Variants in HS3ST3A1 observed in about 807,000 individuals in gnomAD.
The protein encoded by HS3ST3A1 is heparan sulfate-glucosamine 3-sulfotransferase 3A1.
In HS3ST3A1, 19 loss-of-function variants were observed where a neutral mutation model predicts 25.7. The ratio of observed to expected loss-of-function variants is 0.74; its 90% CI spans 0.52 to 1.08. The LOEUF (loss-of-function observed/expected upper bound fraction) is 1.08. Ranked by LOEUF, HS3ST3A1 falls within the 50% of genes least tolerant of loss-of-function variation. The pLI is 0.00. For missense variants in HS3ST3A1, 459 were observed against 594.3 expected (o/e 0.77, Z 2.37); for synonymous variants, 226 against 278.6 (o/e 0.81, Z 1.88).
Position 13,538,084 on chromosome 17 carries a change from A to C in HS3ST3A1, c.600-41266T>G, listed in dbSNP as rs77463400. 2.8e-3 allele frequency among the ~76,000 whole-genome samples: 426 copies of C among 152,328 alleles called. 4 individuals are homozygous for C. Among genetic ancestry groups the C allele is most frequent in the African/African-American group, 9.3e-3 (385 of 41,562 alleles). ...AACATCTATTTGGTCTGTCAGGGCTACATTTGTGTATTTTAAATGACACAT... is the reference window on the plus strand; with the variant it reads ...AACATCTATTTGGTCTGTCAGGGCTCCATTTGTGTATTTTAAATGACACAT... On this transcript the variant is annotated intron_variant, in intron 1 of 1. Coordinates refer to ENST00000284110, the MANE Select transcript of HS3ST3A1 (RefSeq NM_006042.3).
chr17:13,538,226 A>G (rs1389941243), intron 1 of HS3ST3A1, among the ~76,000 whole-genome samples: 2 of 152,312 alleles, frequency 1.3e-5, no homozygotes, highest in East Asian at 1.9e-4. Context: ...ATACTGGGAT[A>G]AACCCTTTGT....
At chr17:13,570,768 C>G (rs879331043) in intron 1 of HS3ST3A1, among the ~76,000 whole-genome samples, 1 of 152,188 alleles carries the variant, frequency 6.6e-6, no homozygotes, top group Admixed American at 6.5e-5. Context: ...CTGTGTCCAG[C>G]CTACAACTTA....
rs1001810878 is a variant in HS3ST3A1 at position 13,563,992 on chromosome 17, C to T, written c.599+36539G>A. On this transcript the variant is annotated intron_variant, in intron 1 of 1. Transcript: ENST00000284110. ...ATAAATGGGCCAATCTACGATTGCA[C>T]AATAAAACATTTGGACTCGTCTTGT... Among the ~76,000 whole-genome samples, 3 of 152,204 alleles carry T rather than the reference C, an allele frequency of 2.0e-5. 1 individual carries two copies. The South Asian group carries it at 6.2e-4, about 32-fold the overall frequency.
chr17:13,516,843 C>T (rs924563089), intron 1 of HS3ST3A1, among the ~76,000 whole-genome samples: 13 of 152,010 alleles, frequency 8.6e-5, no homozygotes, highest in Admixed American at 5.2e-4. Context: ...CCTGCCACTA[C>T]GCCCGGCTAA....
intron 1 of HS3ST3A1, among the ~76,000 whole-genome samples, chr17:13,551,039 C>A (rs1907225855): frequency 7.0e-6 from 1 of 143,638 alleles, no homozygotes; most frequent in Admixed American, 7.3e-5. Context: ...TGCACTCCAG[C>A]CTGGGCGACA....
chr17:13,600,646 T>C lies in HS3ST3A1; in HGVS notation c.484A>G (p.Lys162Glu). The C allele has an allele frequency of 6.3e-7, 1 of 1,594,890 alleles. No homozygotes were observed. Reference protein sequence around the residue: ...LPQAIIIGVKKGGTRALLEFL... With the variant: ...LPQAIIIGVKEGGTRALLEFL... ...TCCAGCAGCGCCCGCGTGCCGCCCT[T>C]CTTCACTCCGATGATGATGGCCTGC... Residue 162 changes from lysine (K) to glutamate (E), a missense_variant, in exon 1 of 2, where the codon AAG becomes GAG. Lys to Glu is a moderately conservative substitution (Grantham distance 56, BLOSUM62 1). Around this residue, in one of 3 missense-constraint regions of HS3ST3A1, gnomAD observed 346 missense variants for 303.9 expected, o/e 1.14. Coordinates refer to ENST00000284110, the MANE Select transcript of HS3ST3A1 (RefSeq NM_006042.3).
intron 1 of HS3ST3A1, 73 bp from the exon 2 acceptor site, chr17:13,496,891 G>A (rs1174549305): frequency 2.6e-6 from 4 of 1,540,610 alleles, no homozygotes; most frequent in African/African-American, 2.7e-5. Context: ...TCAAGTACAC[G>A]CTGGAGCCAG....
intron 1 of HS3ST3A1, among the ~76,000 whole-genome samples, chr17:13,560,980 C>G (rs1402107472): frequency 6.6e-6 from 1 of 152,144 alleles, no homozygotes; most frequent in Admixed American, 6.5e-5. Context: ...ACAGAAGATC[C>G]AGTAAGAGAC....
intron 1 of HS3ST3A1, among the ~76,000 whole-genome samples, chr17:13,591,028 A>G (rs1251405332): frequency 2.0e-5 from 3 of 149,040 alleles, no homozygotes; most frequent in African/African-American, 5.0e-5. Context: ...TTCTGATTAC[A>G]TTTATTTTCT....
intron 1 of HS3ST3A1, among the ~76,000 whole-genome samples, chr17:13,579,347 A>G (rs1293186423): frequency 6.6e-6 from 1 of 152,156 alleles, no homozygotes; most frequent in Non-Finnish European, 1.5e-5. Flanking sequence ...AGTATCCCTT[A>G]TAATAGTCCC....
chr17:13,524,331 C>T (rs904109137), intron 1 of HS3ST3A1, among the ~76,000 whole-genome samples: 10 of 152,114 alleles, frequency 6.6e-5, no homozygotes, highest in African/African-American at 2.2e-4. Flanking sequence ...GATCTCGGCT[C>T]ACTGCAGCCT....
intron 1 of HS3ST3A1, among the ~76,000 whole-genome samples, chr17:13,583,534 C>A (rs1407004768): frequency 1.3e-5 from 2 of 152,158 alleles, no homozygotes; most frequent in Non-Finnish European, 2.9e-5. Flanking sequence ...CTCTCAATTT[C>A]TCTTCTCCCT....
chr17:13,539,473 CATA>C (rs956201424), intron 1 of HS3ST3A1, among the ~76,000 whole-genome samples: 1 of 152,214 alleles, frequency 6.6e-6, no homozygotes, highest in Non-Finnish European at 1.5e-5. Flanking sequence ...GGTCACTCTC[CATA>C]ATTTCACTTC....
chr17:13,542,361 T>A (rs1906960825), intron 1 of HS3ST3A1, among the ~76,000 whole-genome samples: 1 of 147,534 alleles, frequency 6.8e-6, no homozygotes, highest in Non-Finnish European at 1.5e-5. Context: ...TTAAGTGAGG[T>A]TGGAAGAGTA....
intron 1 of HS3ST3A1, among the ~76,000 whole-genome samples, chr17:13,569,720 A>G (rs1907757089): frequency 6.6e-6 from 1 of 152,248 alleles, no homozygotes; most frequent in Non-Finnish European, 1.5e-5. Context: ...CACTGGGAGT[A>G]AAATTCTGAT....
Position 13,601,089 on chromosome 17 carries a change from GC to G in HS3ST3A1, c.40del (p.Ala14ProfsTer14). ...PGPASALSTS[A>X]EPLSRSIFRK... is the part of the protein sequence containing the mutation. Reference sequence around the variant, plus strand: ...GAAGATGCTGCGGGACAGCGGCTCGGCCGAGGTGGAGAGGGCACTGGCCGGG... The same window carrying G: ...GAAGATGCTGCGGGACAGCGGCTCGGCGAGGTGGAGAGGGCACTGGCCGGG... On this transcript the variant is annotated frameshift_variant, in exon 1 of 2. Coordinates refer to ENST00000284110, the MANE Select transcript of HS3ST3A1 (RefSeq NM_006042.3). LOFTEE classifies it high-confidence loss of function. 1 of 1,592,812 alleles carries G rather than the reference GC, an allele frequency of 6.3e-7. No individual in the cohort carries two copies. Among genetic ancestry groups the G allele is most frequent in the Non-Finnish European group, 8.5e-7 (1 of 1,171,042 alleles).
In HS3ST3A1 at chr17:13,600,716, C is replaced by G; in HGVS notation, c.414G>C (p.Pro138=). 1 of 1,554,772 alleles carries G rather than the reference C, an allele frequency of 6.4e-7. No individual in the cohort carries two copies. The highest frequency in any genetic ancestry group is 8.6e-7 in the Non-Finnish European group (1 of 1,157,672). Residue 138 remains proline (P), a synonymous_variant, in exon 1 of 2, where the codon CCG becomes CCC. Coordinates refer to ENST00000284110, the MANE Select transcript of HS3ST3A1 (RefSeq NM_006042.3). ...CGTCCAGGAGCAGCGCCAGGGTCCC[C>G]GGCGGGGCCTCGGCCACGGTGCTTC... ...GAGSTVAEAP[P]GTLALLLDEG... is the part of the protein sequence containing the mutation.
At chr17:13,525,876 T>TC (rs1240199395) in intron 1 of HS3ST3A1, among the ~76,000 whole-genome samples, 1 of 152,118 alleles carries the variant, frequency 6.6e-6, no homozygotes, top group Non-Finnish European at 1.5e-5. Context: ...CTTTTTTTTT[T>TC]CTGTGATTTA....
chr17:13,512,598 G>A (rs78074276), intron 1 of HS3ST3A1, among the ~76,000 whole-genome samples: 1 of 152,246 alleles, frequency 6.6e-6, no homozygotes, highest in Non-Finnish European at 1.5e-5. Context: ...ACTGGACTGG[G>A]TACTTGTGAC....
Sources: gnomAD v4.1 joint callset for allele counts (sites outside exome capture counted in the v4.1 genomes callset) on GRCh38, gnomAD v4.1.1 for gene constraint, gnomAD v4.1.1 regional missense constraint, MANE v1.5 for transcripts, NCBI Gene and HGNC (gene_info 2026-07-23, HGNC 2026-07-21) for gene names.